CWC27: variants seen among roughly 807,000 people sequenced by gnomAD.
CWC27 encodes spliceosome-associated protein CWC27 homolog.
A neutral mutation model predicts 63.6 loss-of-function variants in CWC27; 47 were observed. The ratio of observed to expected loss-of-function variants is 0.74; its 90% CI spans 0.58 to 0.94. The LOEUF (loss-of-function observed/expected upper bound fraction) is 0.94. CWC27 is among the 40% of genes least tolerant of loss of function. The pLI, the probability that CWC27 is intolerant of heterozygous loss-of-function variation, is 0.00. For synonymous variants in CWC27, 175 were observed against 179.8 expected, an observed-to-expected ratio of 0.97 and a Z score of 0.22; for missense variants, 495 against 554.3, an observed-to-expected ratio of 0.89 and a Z score of 1.07.
intron 10 of CWC27, among the ~76,000 whole-genome samples, chr5:64,839,832 TG>T (rs1745755334): frequency 6.8e-6 from 1 of 146,546 alleles, no homozygotes; most frequent in South Asian, 2.2e-4. Context: ...ACAGAAAAGA[TG>T]GGGAAAAGTT....
intron 11 of CWC27, among the ~76,000 whole-genome samples, chr5:64,906,041 G>A (rs1206458736): frequency 6.6e-6 from 1 of 152,104 alleles, no homozygotes; most frequent in Non-Finnish European, 1.5e-5. Flanking sequence ...AGTATTCCAT[G>A]TTGTATATGT....
intron 7 of CWC27, among the ~76,000 whole-genome samples, chr5:64,798,948 C>T (rs1484837429): frequency 6.6e-6 from 1 of 152,128 alleles, no homozygotes; most frequent in African/African-American, 2.4e-5. Context: ...CCTCAAGATA[C>T]AGGGTGTAAG....
At chr5:64,965,175 T>C (rs1748990744) in intron 11 of CWC27, among the ~76,000 whole-genome samples, 1 of 152,204 alleles carries the variant, frequency 6.6e-6, no homozygotes, top group Admixed American at 6.5e-5. Context: ...TAAAGCAGTA[T>C]GGGAGCATTT....
chr5:64,903,512 A>G (rs560681262), intron 11 of CWC27, among the ~76,000 whole-genome samples: 2 of 149,324 alleles, frequency 1.3e-5, no homozygotes, highest in Non-Finnish European at 3.0e-5. Context: ...AACATCACAC[A>G]CAGGGGCCTG....
At chr5:65,000,702 A>G (rs557853202) in intron 13 of CWC27, among the ~76,000 whole-genome samples, 36 of 152,218 alleles carry the variant, frequency 2.4e-4, no homozygotes, top group Non-Finnish European at 4.7e-4. Flanking sequence ...TTTTTATAAC[A>G]ACACCATGCT....
intron 13 of CWC27, among the ~76,000 whole-genome samples, chr5:65,008,628 A>G (rs1376798210): frequency 6.6e-6 from 1 of 152,252 alleles, no homozygotes; most frequent in Non-Finnish European, 1.5e-5. Context: ...TGATGTGCCT[A>G]TGTATTACAG....
chr5:64,910,889 C>G (rs1238738184), intron 11 of CWC27, among the ~76,000 whole-genome samples: 2 of 152,222 alleles, frequency 1.3e-5, no homozygotes, highest in Non-Finnish European at 2.9e-5. Context: ...AAGGAAATCC[C>G]CCTACCCTTT....
At chr5:64,973,644 C>G (rs764887798) in intron 12 of CWC27, among the ~76,000 whole-genome samples, 3 of 152,154 alleles carry the variant, frequency 2.0e-5, no homozygotes, top group Non-Finnish European at 2.9e-5. Flanking sequence ...AGTGTCTTCT[C>G]TAGCCTTTAT....
chr5:64,866,983 G>C (rs62369337), intron 10 of CWC27, among the ~76,000 whole-genome samples: 1 of 151,742 alleles, frequency 6.6e-6, no homozygotes, highest in Non-Finnish European at 1.5e-5. Flanking sequence ...CATTTTCTAC[G>C]TGAATATGTA....
At chr5:64,887,372 T>C (rs904922347) in intron 11 of CWC27, among the ~76,000 whole-genome samples, 2 of 152,100 alleles carry the variant, frequency 1.3e-5, no homozygotes, top group African/African-American at 4.8e-5. Flanking sequence ...TATTTATTTA[T>C]TTACTTATTT....
chr5:64,899,623 A>C (rs1286595448), intron 11 of CWC27, among the ~76,000 whole-genome samples: 1 of 152,250 alleles, frequency 6.6e-6, no homozygotes, highest in Non-Finnish European at 1.5e-5. Flanking sequence ...ATGTACCAGA[A>C]AGGGCCCAGT....
chr5:64,795,597 A>C (rs1254421617), intron 7 of CWC27, among the ~76,000 whole-genome samples: 1 of 152,098 alleles, frequency 6.6e-6, no homozygotes. Context: ...CAAAGCCAGC[A>C]ATAACTGGTG....
rs397998002 is a variant in CWC27, at chr5:64,878,470, T to TAAAAAAAAAAAAAA, written c.939-6956_939-6943dup. 6.1e-3 allele frequency among the ~76,000 whole-genome samples: 165 copies of TAAAAAAAAAAAAAA among 26,934 alleles called. 28 individuals carry two copies. The highest frequency in any genetic ancestry group is 9.4e-3 in the East Asian group (6 of 638). The allele number at this position is 26,934 out of a possible 152,430, so 17.7% of individuals were successfully genotyped here. A position where few individuals can be genotyped will look rare whatever the true frequency, so the allele number is the denominator to read the frequency against. On this transcript the variant is annotated intron_variant, in intron 10 of 13. Transcript: ENST00000381070. ...GTCAGCACTGTCCTGGGTTACAGAT[T>TAAAAAAAAAAAAAA]AAAAAAAAAAAAAAAAAAAAAAAAA...
At chr5:64,876,979 A>G (rs1746807365) in intron 10 of CWC27, among the ~76,000 whole-genome samples, 1 of 152,090 alleles carries the variant, frequency 6.6e-6, no homozygotes, top group Admixed American at 6.6e-5. Flanking sequence ...TTGACATTGT[A>G]GTAATAAAAA....
At chr5:64,806,413 T>A (rs537257345) in intron 10 of CWC27, among the ~76,000 whole-genome samples, 1 of 152,296 alleles carries the variant, frequency 6.6e-6, no homozygotes, top group Non-Finnish European at 1.5e-5. Context: ...TTCTTTTAGG[T>A]AAAATAATTG....
intron 10 of CWC27, among the ~76,000 whole-genome samples, chr5:64,883,407 T>C (rs1417050901): frequency 6.6e-6 from 1 of 152,142 alleles, no homozygotes. Flanking sequence ...ATAACCTATA[T>C]AGGAGTGATA....
rs756777091 is a variant in CWC27 at position 65,018,207 on chromosome 5, T to C, written c.1305T>C (p.Asp435=). 6 of 1,608,512 alleles carry C rather than the reference T, an allele frequency of 3.7e-6. No individual in the cohort carries two copies. The highest frequency in any genetic ancestry group is 1.7e-4 in the Middle Eastern group (1 of 6,038). Residue 435 remains aspartate (D), a synonymous_variant, in exon 14 of 14, where the codon GAT becomes GAC. Transcript: ENST00000381070. ...QFEDKSRKVK[D]ASMQDSDTFE... ...AGGATAAAAGCAGAAAAGTGAAAGA[T>C]GCAAGCATGCAAGACTCAGATACAT...
chr5:64,788,594 T>C (rs190448649), intron 6 of CWC27, among the ~76,000 whole-genome samples: 1 of 152,142 alleles, frequency 6.6e-6, no homozygotes, highest in Non-Finnish European at 1.5e-5. Context: ...TATATACTTA[T>C]TATTTTTCAG....
At chr5:64,998,687 G>C (rs944898315) in intron 13 of CWC27, among the ~76,000 whole-genome samples, 1 of 152,054 alleles carries the variant, frequency 6.6e-6, no homozygotes, top group Non-Finnish European at 1.5e-5. Flanking sequence ...TGATAGTGGT[G>C]AACAGTGAAA....
Sources: allele counts gnomAD v4.1 joint callset (sites outside exome capture counted in the v4.1 genomes callset), GRCh38; gene constraint gnomAD v4.1.1; transcripts MANE v1.5; gene names NCBI Gene and HGNC (gene_info 2026-07-23, HGNC 2026-07-21).